The following PCDHGA6 variants were observed in gnomAD, a reference collection of about 807,000 sequenced individuals.
PCDHGA6 encodes protocadherin gamma subfamily A, 6, also known as protocadherin gamma-A6.
In PCDHGA6, 41 loss-of-function variants were observed where a neutral mutation model predicts 60.6. The observed-to-expected ratio is 0.68, with a 90% CI of 0.53 to 0.88. The LOEUF (loss-of-function observed/expected upper bound fraction) is 0.88, where lower values mean the gene tolerates loss of function less well. Ranked by LOEUF, PCDHGA6 falls within the 40% of genes least tolerant of loss-of-function variation. The pLI is 0.00. For synonymous variants in PCDHGA6, 594 were observed against 524.4 expected, an observed-to-expected ratio of 1.13 and a Z score of -1.81; for missense variants, 1,312 against 1,203.0, an observed-to-expected ratio of 1.09 and a Z score of -1.34.
chr5:141,394,009 GTAA>G, intron 1 of PCDHGA6: 1 of 1,613,394 alleles, frequency 6.2e-7, no homozygotes, highest in Non-Finnish European at 8.5e-7. Flanking sequence ...AAGTCAATAG[GTAA>G]TTATTATAGA....
At chr5:141,399,662 C>G (rs759226157) in intron 1 of PCDHGA6, 1 of 1,613,666 alleles carries the variant, frequency 6.2e-7, no homozygotes, top group South Asian at 1.1e-5. Context: ...GTGGTGTTCG[C>G]GCAGCGCGCC....
chr5:141,491,955 A>T lies in PCDHGA6; in HGVS notation c.2425-2852A>T. Reference sequence around the variant, plus strand: ...GGGACCGACCCCCACCCCTACACTCAAAAAAGGCCGGGGCCTCCTTCGAGC... The same window carrying T: ...GGGACCGACCCCCACCCCTACACTCTAAAAAGGCCGGGGCCTCCTTCGAGC... On this transcript the variant is annotated intron_variant, in intron 1 of 3. Coordinates refer to ENST00000517434, the MANE Select transcript of PCDHGA6 (RefSeq NM_018919.3). This position sits in a 1 kb window ranked among gnomAD's most constrained non-coding sequence, Gnocchi z 6.9. 9.7e-7 allele frequency: 1 copy of T among 1,029,648 alleles called. No homozygotes were observed. The highest frequency in any genetic ancestry group is 2.2e-5 in the South Asian group (1 of 44,530). The allele number at this position is 1,029,648 out of a possible 1,614,324, so 63.8% of individuals were successfully genotyped here. A position where few individuals can be genotyped will look rare whatever the true frequency, so the allele number is the denominator to read the frequency against.
intron 1 of PCDHGA6, chr5:141,410,752 G>GT: frequency 4.4e-6 from 5 of 1,130,822 alleles, no homozygotes; most frequent in Non-Finnish European, 5.8e-6. Context: ...TTTTCTCAAT[G>GT]TTTTTTCAAT....
intron 1 of PCDHGA6, chr5:141,478,600 C>T (rs762531135): frequency 6.4e-7 from 1 of 1,565,134 alleles, no homozygotes. Context: ...ATTCCTACAT[C>T]ATATTGAGGA....
intron 1 of PCDHGA6, among the ~76,000 whole-genome samples, chr5:141,450,099 C>T (rs2098669229): frequency 6.6e-6 from 1 of 151,500 alleles, no homozygotes; most frequent in African/African-American, 2.4e-5. Flanking sequence ...CTCCGCCTCC[C>T]AGGTTCAAAT....
chr5:141,374,058 C>G lies in PCDHGA6; in HGVS notation c.-26C>G. On this transcript the variant is annotated 5_prime_UTR_variant, in exon 1 of 4. Coordinates refer to ENST00000517434, the MANE Select transcript of PCDHGA6 (RefSeq NM_018919.3). ...AGATCTGTTCTTCCTCTTCTTAATC[C>G]CAGAGAAGTTCCTAATAAGCCAGTA... 6.7e-7 allele frequency: 1 copy of G among 1,487,942 alleles called. No individual in the cohort carries two copies. Among genetic ancestry groups the G allele is most frequent in the Non-Finnish European group, 8.9e-7 (1 of 1,120,054 alleles). The allele number at this position is 1,487,942 out of a possible 1,614,324, so 92.2% of individuals were successfully genotyped here.
intron 1 of PCDHGA6, among the ~76,000 whole-genome samples, chr5:141,452,072 G>A (rs550370876): frequency 1.3e-5 from 2 of 152,272 alleles, no homozygotes; most frequent in East Asian, 1.9e-4. Flanking sequence ...ACTTTTATTA[G>A]TTGGCATTAT....
At position 141,375,266 on chromosome 5, in the gene PCDHGA6, G is replaced by A; in HGVS notation, c.1183G>A (p.Glu395Lys). ...CCCGAGAAGTCTCCCATTTGAATTG[G>A]AAAAATCAGTTGGCAATTATTATCG... is the stretch of plus-strand genomic sequence containing the variant. ...SIPRSLPFEL[E>K]KSVGNYYRLV... Residue 395 changes from glutamate (E) to lysine (K), a missense_variant, in exon 1 of 4, where the codon GAA becomes AAA. By Grantham distance (56) the Glu-to-Lys change is moderately conservative. Coordinates refer to ENST00000517434, the MANE Select transcript of PCDHGA6 (RefSeq NM_018919.3). The A allele has an allele frequency of 6.2e-7, 1 of 1,613,846 alleles. No homozygotes were observed. Among genetic ancestry groups the A allele is most frequent in the Non-Finnish European group, 8.5e-7 (1 of 1,179,882 alleles).
chr5:141,465,786 T>G (rs1236517595), intron 1 of PCDHGA6, among the ~76,000 whole-genome samples: 1 of 152,136 alleles, frequency 6.6e-6, no homozygotes, highest in Non-Finnish European at 1.5e-5. Flanking sequence ...ACAGTTTTTT[T>G]TTTTTTAAGA....
intron 1 of PCDHGA6, chr5:141,419,888 G>A: frequency 6.2e-7 from 1 of 1,614,056 alleles, no homozygotes; most frequent in Non-Finnish European, 8.5e-7. Context: ...GGATTTCAGC[G>A]ACCATCCCAC....
In PCDHGA6 at chr5:141,510,932, CCT is replaced by C. The variant is rs753455267; in HGVS notation, c.2573-12_2573-11del. 6 of 1,613,998 alleles carry C rather than the reference CCT, an allele frequency of 3.7e-6. No homozygotes were observed. The highest frequency in any genetic ancestry group is 1.1e-5 in the South Asian group (1 of 91,082). ...CTAAGTTTAGCTCCCACCTGATCTTCCTCTGTCTCTGCAGAAGCTGCTGATGG... is the reference window on the plus strand; with the variant it reads ...CTAAGTTTAGCTCCCACCTGATCTTCCTGTCTCTGCAGAAGCTGCTGATGG... On this transcript the variant is annotated splice_polypyrimidine_tract_variant and intron_variant, in intron 3 of 3. Coordinates refer to ENST00000517434, the MANE Select transcript of PCDHGA6 (RefSeq NM_018919.3).
chr5:141,476,206 C>A lies in PCDHGA6; in HGVS notation c.2425-18601C>A. On this transcript the variant is annotated intron_variant, in intron 1 of 3. Transcript: ENST00000517434. This position sits in a 1 kb window ranked among gnomAD's most constrained non-coding sequence, Gnocchi z 7.6. ...TGCTTGGTGCCTTGAACAAGGCTTC[C>A]ACGGTCATTCACTATGAGATCCCGG... 1 of 1,613,930 alleles carries A rather than the reference C, an allele frequency of 6.2e-7. No individual in the cohort carries two copies. The highest frequency in any genetic ancestry group is 1.7e-5 in the Admixed American group (1 of 60,004).
intron 1 of PCDHGA6, chr5:141,394,779 G>A (rs1561651112): frequency 6.2e-7 from 1 of 1,613,590 alleles, no homozygotes; most frequent in Admixed American, 1.7e-5. Context: ...CCCTCTCTCC[G>A]CCACTGTCAC....
chr5:141,499,731 C>T (rs2099794093), intron 2 of PCDHGA6, among the ~76,000 whole-genome samples: 1 of 138,132 alleles, frequency 7.2e-6, no homozygotes, highest in African/African-American at 2.7e-5. Context: ...GTCTCACTCT[C>T]TTGCCCAGGC....
At chr5:141,452,831 G>A (rs1184490491) in intron 1 of PCDHGA6, among the ~76,000 whole-genome samples, 1 of 152,104 alleles carries the variant, frequency 6.6e-6, no homozygotes, top group Non-Finnish European at 1.5e-5. Flanking sequence ...AAAATCACTT[G>A]GTCCAGCCCA....
At chr5:141,405,096 G>A (rs2094608531) in intron 1 of PCDHGA6, 6 of 1,613,808 alleles carry the variant, frequency 3.7e-6, no homozygotes, top group Admixed American at 1.7e-5. Flanking sequence ...CTGGCCCTCA[G>A]GCTGAGGCAC....
chr5:141,439,066 G>A (rs1004595196), intron 1 of PCDHGA6, among the ~76,000 whole-genome samples: 2 of 151,258 alleles, frequency 1.3e-5, no homozygotes, highest in African/African-American at 2.4e-5. Context: ...TGTGGCAGGC[G>A]CCTGTAATCC....
Position 141,416,159 on chromosome 5 carries a change from T to C in PCDHGA6, c.2424+39652T>C, listed in dbSNP as rs116406525. ...CTATACTTTGTGGTGATAGTTGCAG[T>C]TGAATATACTAAGTTTTTCATTAAT... On this transcript the variant is annotated intron_variant, in intron 1 of 3. Transcript: ENST00000517434. 1,471 of 153,024 alleles carry C rather than the reference T, an allele frequency of 9.6e-3. 10 individuals carry two copies. Among genetic ancestry groups the C allele is most frequent in the Non-Finnish European group, 0.015 (1,026 of 68,518 alleles). 9.5% of individuals were successfully genotyped at this position (153,024 alleles called of 1,614,324 possible).
Position 141,415,037 on chromosome 5 carries a change from T to G in PCDHGA6, c.2424+38530T>G, listed in dbSNP as rs775779136. The G allele has an allele frequency of 5.0e-6, 8 of 1,613,384 alleles. No homozygotes were observed. In the Admixed American group the frequency reaches 8.3e-5, roughly 17 times the overall value. ...CTCAAGGCCAGCGAGCCGGGACTCT[T>G]CGCGGTGGGGGAGCACACGGGCGAG... is the stretch of plus-strand genomic sequence containing the variant. On this transcript the variant is annotated intron_variant, in intron 1 of 3. Coordinates refer to ENST00000517434, the MANE Select transcript of PCDHGA6 (RefSeq NM_018919.3).
Sources: allele counts gnomAD v4.1 joint callset (sites outside exome capture counted in the v4.1 genomes callset), GRCh38; gene constraint gnomAD v4.1.1; non-coding constraint Gnocchi (gnomAD v3.1); transcripts MANE v1.5; gene names NCBI Gene and HGNC (gene_info 2026-07-23, HGNC 2026-07-21).